Variants in PLEKHA5 observed in about 807,000 individuals in gnomAD.
PLEKHA5 encodes pleckstrin homology domain-containing family A member 5.
A neutral mutation model predicts 181.9 loss-of-function variants in PLEKHA5; 55 were observed. The observed-to-expected ratio is 0.30, with a 90% CI of 0.24 to 0.38. PLEKHA5 has a LOEUF of 0.38. PLEKHA5 is among the 10% of genes least tolerant of loss of function. The pLI is 1.00. For missense variants in PLEKHA5, 1,432 were observed against 1,549.5 expected (o/e 0.92, Z 1.27); for synonymous variants, 535 against 529.4 (o/e 1.01, Z -0.15).
At chr12:19,129,954 C>T in intron 1 of PLEKHA5, 66 bp downstream of exon 1, 2 of 1,491,128 alleles carry the variant, frequency 1.3e-6, no homozygotes, top group Non-Finnish European at 1.8e-6. Flanking sequence ...CGGCTGGCGA[C>T]ACGGGGGAGA....
intron 3 of PLEKHA5, chr12:19,176,732 A>T (rs1177270092): frequency 6.6e-6 from 1 of 151,908 alleles, no homozygotes; most frequent in Non-Finnish European, 1.5e-5. Context: ...GACATAAGGC[A>T]TTTTTTTTAA....
At chr12:19,368,540 C>T (rs2153296456) in intron 30 of PLEKHA5, among the ~76,000 whole-genome samples, 2 of 152,222 alleles carry the variant, frequency 1.3e-5, no homozygotes, top group South Asian at 4.1e-4. Flanking sequence ...CGCCTATAAT[C>T]CCAGCACTTT....
intron 2 of PLEKHA5, among the ~76,000 whole-genome samples, chr12:19,131,774 A>T: frequency 6.6e-6 from 1 of 152,192 alleles, no homozygotes; most frequent in South Asian, 2.1e-4. Context: ...AAATCCAAAC[A>T]ACTTGTCATT....
chr12:19,255,009 C>G, intron 4 of PLEKHA5, 36 bp from the exon 5 acceptor site: 1 of 1,570,100 alleles, frequency 6.4e-7, no homozygotes. Flanking sequence ...GGGTTACATA[C>G]ACAGCAAGTT....
chr12:19,254,074 G>A (rs1028633489), intron 4 of PLEKHA5, 51 bp downstream of exon 4: 2 of 1,024,684 alleles, frequency 2.0e-6, no homozygotes, highest in Non-Finnish European at 3.0e-6. Context: ...GGTTAGCATT[G>A]AAATTGCTGT....
chr12:19,136,249 G>A (rs932030593), intron 3 of PLEKHA5, among the ~76,000 whole-genome samples: 1 of 152,022 alleles, frequency 6.6e-6, no homozygotes, highest in African/African-American at 2.4e-5. Flanking sequence ...TGTGCCCTAA[G>A]CTAGCCAGCC....
intron 10 of PLEKHA5, among the ~76,000 whole-genome samples, chr12:19,271,385 G>C (rs1235623378): frequency 3.3e-5 from 5 of 152,020 alleles, no homozygotes; most frequent in African/African-American, 1.2e-4. Flanking sequence ...CACTCTTGTA[G>C]TCCCTGCTAC....
intron 15 of PLEKHA5, among the ~76,000 whole-genome samples, chr12:19,293,100 G>C (rs577043004): frequency 2.4e-4 from 37 of 152,098 alleles, no homozygotes; most frequent in Non-Finnish European, 8.8e-5. Flanking sequence ...ATTCTAGCTT[G>C]TTTCAAAATG....
intron 3 of PLEKHA5, among the ~76,000 whole-genome samples, chr12:19,155,628 G>A (rs2151382987): frequency 6.6e-6 from 1 of 152,206 alleles, no homozygotes; most frequent in African/African-American, 2.4e-5. Flanking sequence ...CATAGTCTTG[G>A]ACATAAAATA....
chr12:19,178,589 C>T (rs932545145), intron 3 of PLEKHA5, among the ~76,000 whole-genome samples: 4 of 152,144 alleles, frequency 2.6e-5, no homozygotes, highest in African/African-American at 4.8e-5. Context: ...GATAATACTC[C>T]GTAGCTTTTG....
intron 30 of PLEKHA5, among the ~76,000 whole-genome samples, 164 bp downstream of exon 30, chr12:19,366,273 CCAGAGTCTACCCTGG>C (rs2095419498): frequency 6.6e-6 from 1 of 152,198 alleles, no homozygotes; most frequent in African/African-American, 2.4e-5. Context: ...GCAGCCCCTG[CCAGAGTCTACCCTGG>C]CAGAGGGATC....
rs143854299 is a variant in PLEKHA5, at chr12:19,250,715, G to T, written c.228-3225G>T. On this transcript the variant is annotated intron_variant, in intron 3 of 31. Coordinates refer to ENST00000429027, the MANE Select transcript of PLEKHA5 (RefSeq NM_001256470.2). ...GGTTTTTATTAAGCATAAAATATCT[G>T]GCAAGAATTTTTTAAGTGACACCTT... is the stretch of plus-strand genomic sequence containing the variant. Among the ~76,000 whole-genome samples, 960 of 151,672 alleles carry T rather than the reference G, an allele frequency of 6.3e-3. 7 individuals carry two copies. The highest frequency in any genetic ancestry group is 0.022 in the African/African-American group (912 of 41,330).
intron 3 of PLEKHA5, among the ~76,000 whole-genome samples, chr12:19,155,270 A>G (rs1165920779): frequency 6.6e-6 from 1 of 152,234 alleles, no homozygotes; most frequent in Non-Finnish European, 1.5e-5. Context: ...AAATTCAGAC[A>G]ATCCTAAACC....
chr12:19,263,996 A>T (rs1425018973), intron 7 of PLEKHA5, among the ~76,000 whole-genome samples: 3 of 152,196 alleles, frequency 2.0e-5, no homozygotes, highest in Non-Finnish European at 4.4e-5. Flanking sequence ...AACTAAACAG[A>T]AGAATGTCAT....
intron 3 of PLEKHA5, among the ~76,000 whole-genome samples, chr12:19,172,360 G>A (rs184135547): frequency 3.4e-5 from 5 of 148,684 alleles, no homozygotes; most frequent in Non-Finnish European, 7.5e-5. Context: ...TCATTATGTG[G>A]TTCATGACTA....
intron 13 of PLEKHA5, among the ~76,000 whole-genome samples, chr12:19,289,976 C>T (rs1290786780): frequency 6.6e-6 from 1 of 151,612 alleles, no homozygotes; most frequent in Non-Finnish European, 1.5e-5. Flanking sequence ...GGAGTCTCGC[C>T]GTGTCGCCCA....
At chr12:19,303,057 G>C (rs563868610) in intron 15 of PLEKHA5, among the ~76,000 whole-genome samples, 1 of 151,252 alleles carries the variant, frequency 6.6e-6, no homozygotes, top group African/African-American at 2.4e-5. Context: ...GAGTGAGTGA[G>C]ACTACAGGCG....
intron 3 of PLEKHA5, among the ~76,000 whole-genome samples, chr12:19,222,415 G>T (rs1011333261): frequency 6.6e-6 from 1 of 151,954 alleles, no homozygotes; most frequent in Non-Finnish European, 1.5e-5. Context: ...TGATTTGTTC[G>T]TTCTCAGCTT....
In PLEKHA5 at chr12:19,190,778, C is replaced by A. The variant is rs149134610; in HGVS notation, c.227+58328C>A. 4.3e-3 allele frequency among the ~76,000 whole-genome samples: 657 copies of A among 152,286 alleles called. 8 individuals carry two copies. Among genetic ancestry groups the A allele is most frequent in the East Asian group, 0.037 (193 of 5,180 alleles). ...ATGGGTTGTCCCAAAGGAGAAGAGA[C>A]TTTCCTATTCTCAGCCCTCTCAAGA... On this transcript the variant is annotated intron_variant, in intron 3 of 31. Transcript: ENST00000429027.
Sources: allele counts gnomAD v4.1 joint callset (sites outside exome capture counted in the v4.1 genomes callset), GRCh38; gene constraint gnomAD v4.1.1; transcripts MANE v1.5; gene names NCBI Gene and HGNC (gene_info 2026-07-23, HGNC 2026-07-21).